The following SRGAP3 variants were observed in gnomAD, a reference collection of about 807,000 sequenced individuals.
SRGAP3 encodes SLIT-ROBO Rho GTPase-activating protein 3.
SRGAP3 carries 39 observed loss-of-function variants against 121.1 expected under a neutral mutation model. The observed-to-expected ratio is 0.32, with a 90% CI of 0.25 to 0.42. The LOEUF is 0.42. Ranked by LOEUF, SRGAP3 falls within the 10% of genes least tolerant of loss-of-function variation. The pLI is 1.00. For missense variants in SRGAP3, 1,213 were observed against 1,470.6 expected, an observed-to-expected ratio of 0.82 and a Z score of 2.86; for synonymous variants, 601 against 570.0, an observed-to-expected ratio of 1.05 and a Z score of -0.77.
chr3:9,097,482 C>CA (rs1050208765), intron 3 of SRGAP3, among the ~76,000 whole-genome samples: 42 of 152,296 alleles, frequency 2.8e-4, no homozygotes, highest in African/African-American at 9.9e-4. Flanking sequence ...GAGATGAAAT[C>CA]AGAGTCCGGC....
At chr3:9,086,721 CAT>C (rs1453958720) in intron 3 of SRGAP3, among the ~76,000 whole-genome samples, 2 of 144,132 alleles carry the variant, frequency 1.4e-5, no homozygotes, top group African/African-American at 5.0e-5. Flanking sequence ...TACACATATA[CAT>C]ATAATATGTA....
rs138551703 is a variant in SRGAP3 at position 9,174,058 on chromosome 3, A to C, written c.68-49141T>G. Among the ~76,000 whole-genome samples, 998 of 152,248 alleles carry C rather than the reference A, an allele frequency of 6.6e-3. 10 individuals carry two copies. Among genetic ancestry groups the C allele is most frequent in the African/African-American group, 0.023 (959 of 41,568 alleles). On this transcript the variant is annotated intron_variant, in intron 1 of 21. Coordinates refer to ENST00000383836, the MANE Select transcript of SRGAP3 (RefSeq NM_014850.4). ...GGGGCACAACTCAGCCTTCAAAAGGAAGAGAATGGATGGACCTTGGGGACA... is the reference window on the plus strand; with the variant it reads ...GGGGCACAACTCAGCCTTCAAAAGGCAGAGAATGGATGGACCTTGGGGACA...
intron 9 of SRGAP3, among the ~76,000 whole-genome samples, chr3:9,051,589 G>C (rs574527126): frequency 2.6e-5 from 4 of 152,000 alleles, no homozygotes; most frequent in Non-Finnish European, 5.9e-5. Context: ...GCAGCATGTA[G>C]GGAAGACAGC....
intron 2 of SRGAP3, among the ~76,000 whole-genome samples, chr3:9,115,762 A>C (rs73019313): frequency 2.0e-5 from 3 of 152,170 alleles, no homozygotes; most frequent in Non-Finnish European, 4.4e-5. Context: ...ATTCCTGCAC[A>C]CCACCACACT....
At chr3:9,055,238 G>A (rs1945765534) in intron 8 of SRGAP3, among the ~76,000 whole-genome samples, 1 of 152,172 alleles carries the variant, frequency 6.6e-6, no homozygotes, top group African/African-American at 2.4e-5. Context: ...TCTGTCCTTT[G>A]TGGAGATGAA....
chr3:9,032,815 G>A (rs1272490804), intron 11 of SRGAP3, 63 bp from the exon 12 acceptor site: 6 of 1,487,450 alleles, frequency 4.0e-6, no homozygotes, highest in African/African-American at 2.8e-5. Flanking sequence ...AACTGGGAAA[G>A]ATGCTCTTAA....
In SRGAP3 at chr3:9,017,533, A is replaced by T. The variant is rs988721272; in HGVS notation, c.1679-1802T>A. On this transcript the variant is annotated intron_variant, in intron 14 of 21. Transcript: ENST00000383836. ...TCAAAATGTATCCCACTCAAGAGAT[A>T]TATGGTCAGAAGACAGAAAGTAGAT... Among the ~76,000 whole-genome samples the T allele has an allele frequency of 7.9e-5, 12 of 152,300 alleles. 1 individual carries two copies. The South Asian group carries it at 2.5e-3, about 32-fold the overall frequency.
intron 3 of SRGAP3, among the ~76,000 whole-genome samples, chr3:9,087,900 A>C (rs1177286588): frequency 6.6e-6 from 1 of 152,142 alleles, no homozygotes. Context: ...GAACCAGCCC[A>C]GGCCTCTCTG....
At chr3:9,081,261 C>G (rs1239566320) in intron 3 of SRGAP3, 2 of 456,578 alleles carry the variant, frequency 4.4e-6, no homozygotes, top group African/African-American at 4.0e-5. Flanking sequence ...CTTACCATTG[C>G]CTAGATCCTG....
At chr3:9,188,489 A>G (rs767927103) in intron 1 of SRGAP3, among the ~76,000 whole-genome samples, 9 of 152,196 alleles carry the variant, frequency 5.9e-5, no homozygotes, top group Non-Finnish European at 1.2e-4. Context: ...TCCTGTCTCC[A>G]CCCAGCAATC....
intron 3 of SRGAP3, among the ~76,000 whole-genome samples, chr3:9,277,967 C>T (rs893609411): frequency 2.0e-5 from 3 of 152,042 alleles, no homozygotes; most frequent in African/African-American, 7.2e-5. Flanking sequence ...CTGTCTTGTC[C>T]CTTCCACCAT....
chr3:9,356,358 ATTTTTTTTTTTTTTTT>A (rs869098475), intron 1 of SRGAP3, among the ~76,000 whole-genome samples: 2 of 39,606 alleles, frequency 5.0e-5, no homozygotes, highest in Admixed American at 4.3e-4. Flanking sequence ...TGGCCAGCTA[ATTTTTTTTTTTTTTTT>A]TTTTTTTTTT....
chr3:9,326,319 C>T (rs1955517749), intron 2 of SRGAP3, among the ~76,000 whole-genome samples: 1 of 151,844 alleles, frequency 6.6e-6, no homozygotes, highest in Non-Finnish European at 1.5e-5. Flanking sequence ...CTGAAAATGA[C>T]AATTGAATGA....
chr3:9,272,264 C>G (rs765166045), intron 3 of SRGAP3, among the ~76,000 whole-genome samples: 1 of 152,214 alleles, frequency 6.6e-6, no homozygotes, highest in Non-Finnish European at 1.5e-5. Flanking sequence ...AAAATACACA[C>G]AAGATCTACC....
At chr3:9,244,200 T>C (rs192401699) in intron 1 of SRGAP3, among the ~76,000 whole-genome samples, 15 of 152,208 alleles carry the variant, frequency 9.9e-5, no homozygotes, top group African/African-American at 3.4e-4. Flanking sequence ...TTTTATTTCT[T>C]TCTCTCATTT....
chr3:9,120,999 A>G (rs945912536), intron 2 of SRGAP3, among the ~76,000 whole-genome samples: 4 of 152,200 alleles, frequency 2.6e-5, no homozygotes, highest in Admixed American at 1.3e-4. Flanking sequence ...ATGGAGCACA[A>G]GGAGGAGCAA....
chr3:9,047,461 A>T lies in SRGAP3; in HGVS notation c.1338T>A (p.Tyr446Ter). 6.2e-7 allele frequency: 1 copy of T among 1,614,180 alleles called. No homozygotes were observed. The highest frequency in any genetic ancestry group is 8.5e-7 in the Non-Finnish European group (1 of 1,180,026). The change falls in exon 10 of 22, where the codon TAT becomes TAA. Residue 446 changes from tyrosine to a stop codon, truncating the protein, a stop_gained. Transcript: ENST00000383836. LOFTEE classifies it high-confidence loss of function. ...EMFYFTKFKE[Y>*]VNGSNLITKL... is the part of the protein sequence containing the mutation. ...TGGTGATGAGGTTACTGCCATTCAC[A>T]TACTCTTTAAATTTCTGTAAGACAC...
At chr3:9,312,632 G>A (rs1284309106) in intron 3 of SRGAP3, among the ~76,000 whole-genome samples, 1 of 152,218 alleles carries the variant, frequency 6.6e-6, no homozygotes, top group Non-Finnish European at 1.5e-5. Flanking sequence ...ATGAACTGAT[G>A]AGCATGGGAG....
At chr3:9,264,433 C>G (rs1574954981) in intron 3 of SRGAP3, among the ~76,000 whole-genome samples, 1 of 152,172 alleles carries the variant, frequency 6.6e-6, no homozygotes, top group East Asian at 1.9e-4. Flanking sequence ...GTCAAATTGT[C>G]TCTGTTTGCA....
Sources: gnomAD v4.1 joint callset for allele counts (sites outside exome capture counted in the v4.1 genomes callset) on GRCh38, gnomAD v4.1.1 for gene constraint, MANE v1.5 for transcripts, NCBI Gene and HGNC (gene_info 2026-07-23, HGNC 2026-07-21) for gene names.